Variants in PFKFB3 observed in about 807,000 individuals in gnomAD.
PFKFB3 encodes 6-phosphofructo-2-kinase/fructose-2,6-biphosphatase 3.
Under a neutral mutation model 68.0 loss-of-function variants are expected in PFKFB3, and 33 were observed. The observed-to-expected ratio is 0.49, with a 90% confidence interval of 0.37 to 0.65. The LOEUF (loss-of-function observed/expected upper bound fraction) is 0.65, where lower values mean the gene tolerates loss of function less well. Ranked by LOEUF, PFKFB3 falls within the 30% of genes least tolerant of loss-of-function variation. The pLI, the probability that PFKFB3 is intolerant of heterozygous loss-of-function variation, is 0.00. For synonymous variants in PFKFB3, 315 were observed against 288.2 expected, an observed-to-expected ratio of 1.09 and a Z score of -0.94; for missense variants, 586 against 712.2, an observed-to-expected ratio of 0.82 and a Z score of 2.02.
chr10:6,236,508 C>T (rs896344149), downstream of PFKFB3, among the ~76,000 whole-genome samples: 1 of 152,228 alleles, frequency 6.6e-6, no homozygotes, highest in Non-Finnish European at 1.5e-5. Flanking sequence ...AGGCGCCTGC[C>T]GCCCACGCTG....
At chr10:6,278,902 T>TA in the PFKFB3 span, among the ~76,000 whole-genome samples, 113 of 152,310 alleles carry the variant, frequency 7.4e-4, 1 homozygote, top group African/African-American at 2.5e-3. Context: ...CTGACTTTGT[T>TA]ACTTTCTCCC....
chr10:6,307,143 A>G, the PFKFB3 span, among the ~76,000 whole-genome samples: 2 of 152,120 alleles, frequency 1.3e-5, no homozygotes, highest in Non-Finnish European at 2.9e-5. Flanking sequence ...CCACAGCATC[A>G]GCTCTTCCTG....
At chr10:6,148,541 G>A (rs1841472421) in intron 1 of PFKFB3, among the ~76,000 whole-genome samples, 1 of 152,208 alleles carries the variant, frequency 6.6e-6, no homozygotes, top group African/African-American at 2.4e-5. Flanking sequence ...TCTTCCTGTG[G>A]GTCTCCAGGG....
upstream of PFKFB3, among the ~76,000 whole-genome samples, chr10:6,198,706 C>T (rs1291895249): frequency 6.6e-6 from 1 of 152,248 alleles, no homozygotes; most frequent in African/African-American, 2.4e-5. Flanking sequence ...TGGTCTCGAA[C>T]TCCTGACCTC....
chr10:6,245,779 C>T (rs1846244175), intron 14 of PFKFB3: 1 of 152,182 alleles, frequency 6.6e-6, no homozygotes, highest in Non-Finnish European at 1.5e-5. Flanking sequence ...ACAAAGTAAT[C>T]TGTAATGAAT....
At chr10:6,177,595 G>A (rs1209928266) in intron 1 of PFKFB3, among the ~76,000 whole-genome samples, 3 of 146,966 alleles carry the variant, frequency 2.0e-5, no homozygotes, top group East Asian at 2.0e-4. Flanking sequence ...GTGCGATCTC[G>A]GCTCACTACA....
In PFKFB3 at chr10:6,235,072, T is replaced by C. The variant is rs1262965114; in HGVS notation, c.*2130T>C. On this transcript the variant is annotated 3_prime_UTR_variant, in exon 15 of 15. Coordinates refer to ENST00000379775, the MANE Select transcript of PFKFB3 (RefSeq NM_004566.4). ...ACAGTCATGAACTTTTGGCGTCTACTGATTCCTCCAACTCTCCACCCCACA... is the reference window on the plus strand; with the variant it reads ...ACAGTCATGAACTTTTGGCGTCTACCGATTCCTCCAACTCTCCACCCCACA... 1 of 152,726 alleles carries C rather than the reference T, an allele frequency of 6.5e-6. No individual in the cohort carries two copies. Among genetic ancestry groups the C allele is most frequent in the Admixed American group, 6.5e-5 (1 of 15,276 alleles). The allele number at this position is 152,726 out of a possible 1,614,324, so 9.5% of individuals were successfully genotyped here.
intron 14 of PFKFB3, among the ~76,000 whole-genome samples, chr10:6,230,479 C>G (rs892914671): frequency 5.9e-5 from 9 of 152,164 alleles, no homozygotes; most frequent in African/African-American, 2.2e-4. Context: ...CATAATGAGA[C>G]TATAGATACA....
intron 1 of PFKFB3, among the ~76,000 whole-genome samples, chr10:6,175,510 C>T (rs1045253939): frequency 1.2e-4 from 19 of 152,194 alleles, no homozygotes; most frequent in East Asian, 1.9e-4. Flanking sequence ...CCAACTAGCC[C>T]GGATCTCTCA....
the PFKFB3 span, among the ~76,000 whole-genome samples, chr10:6,286,522 C>T: frequency 1.3e-5 from 2 of 152,134 alleles, no homozygotes; most frequent in African/African-American, 2.4e-5. Flanking sequence ...GGATTACAGG[C>T]GTAGGCCACC....
At chr10:6,157,269 C>G (rs942854574) in intron 1 of PFKFB3, among the ~76,000 whole-genome samples, 61 of 149,900 alleles carry the variant, frequency 4.1e-4, no homozygotes, top group African/African-American at 1.5e-3. Flanking sequence ...CTCTGTTGCC[C>G]AGGCTGGAGT....
chr10:6,180,090 C>T (rs2131783623), intron 1 of PFKFB3, among the ~76,000 whole-genome samples: 1 of 151,568 alleles, frequency 6.6e-6, no homozygotes, highest in East Asian at 1.9e-4. Flanking sequence ...CGCGTGTAAT[C>T]CCAGCACTTT....
the PFKFB3 span, among the ~76,000 whole-genome samples, chr10:6,267,772 T>C: frequency 6.6e-6 from 1 of 151,714 alleles, no homozygotes; most frequent in Non-Finnish European, 1.5e-5. Flanking sequence ...CTGGCCAACA[T>C]GGTGAAACCC....
the PFKFB3 span, among the ~76,000 whole-genome samples, chr10:6,306,748 G>A: frequency 6.6e-6 from 1 of 152,156 alleles, no homozygotes; most frequent in East Asian, 1.9e-4. Context: ...AAGGAGAGCA[G>A]GTCTCAGGGA....
chr10:6,270,460 G>A, the PFKFB3 span, among the ~76,000 whole-genome samples: 96 of 152,252 alleles, frequency 6.3e-4, no homozygotes, highest in African/African-American at 2.0e-3. Flanking sequence ...AATGACACAC[G>A]TCCTAACCAC....
intron 1 of PFKFB3, among the ~76,000 whole-genome samples, chr10:6,194,193 C>T (rs573626596): frequency 1.3e-5 from 2 of 150,066 alleles, no homozygotes; most frequent in African/African-American, 2.5e-5. Context: ...CCCCAGCCAC[C>T]TACCGCAGTC....
At position 6,220,904 on chromosome 10, in the gene PFKFB3, G is replaced by C; in HGVS notation, c.831+39G>C. ...TGCCGCATGGGCCGTTCTGGCTGTA[G>C]GGCGGTTGCAGGGTCTATAGGGTGG... On this transcript the variant is annotated intron_variant, in intron 8 of 14. Coordinates refer to ENST00000379775, the MANE Select transcript of PFKFB3 (RefSeq NM_004566.4). This position sits in a 1 kb window ranked among gnomAD's most constrained non-coding sequence, Gnocchi z 4.1. 1 of 1,593,434 alleles carries C rather than the reference G, an allele frequency of 6.3e-7. No individual in the cohort carries two copies. Among genetic ancestry groups the C allele is most frequent in the South Asian group, 1.1e-5 (1 of 90,796 alleles).
chr10:6,156,129 A>ATATGTGTGTG (rs1554840060), intron 1 of PFKFB3, among the ~76,000 whole-genome samples: 3 of 96,988 alleles, frequency 3.1e-5, no homozygotes, highest in African/African-American at 8.6e-5. Context: ...GTACATATAT[A>ATATGTGTGTG]TGTGTGTGTG....
chr10:6,321,159 CCTT>C, the PFKFB3 span, among the ~76,000 whole-genome samples: 1 of 152,154 alleles, frequency 6.6e-6, no homozygotes, highest in African/African-American at 2.4e-5. Context: ...CAAATATTTT[CCTT>C]CTTCTCATTT....
Sources: gnomAD v4.1 joint callset for allele counts (sites outside exome capture counted in the v4.1 genomes callset) on GRCh38, gnomAD v4.1.1 for gene constraint, Gnocchi (gnomAD v3.1) non-coding constraint, MANE v1.5 for transcripts, NCBI Gene and HGNC (gene_info 2026-07-23, HGNC 2026-07-21) for gene names.